PLEKHG6: variants seen among roughly 807,000 people sequenced by gnomAD.
PLEKHG6 encodes the protein pleckstrin homology and RhoGEF domain containing G6, also known as pleckstrin homology domain-containing family G member 6.
A neutral mutation model predicts 97.5 loss-of-function variants in PLEKHG6; 91 were observed. The ratio of observed to expected loss-of-function variants is 0.93; its 90% CI spans 0.79 to 1.11. PLEKHG6 has a LOEUF of 1.11. Among genes scored for constraint, PLEKHG6 ranks in the 50% most tolerant of loss-of-function variants. The pLI is 0.00. For missense variants in PLEKHG6, 1,044 were observed against 1,031.0 expected (o/e 1.01, Z -0.17); for synonymous variants, 466 against 425.5 (o/e 1.10, Z -1.17).
intron 12 of PLEKHG6, 46 bp from the exon 13 acceptor site, chr12:6,318,947 A>C (rs531402899): frequency 3.1e-6 from 5 of 1,612,024 alleles, no homozygotes; most frequent in Non-Finnish European, 4.2e-6. Flanking sequence ...GCTGGGACGG[A>C]GATCAAATAA....
Position 6,315,711 on chromosome 12 carries a change from G to T in PLEKHG6, c.555+62G>T, listed in dbSNP as rs988059607. The stretch of plus-strand genomic sequence containing the variant: ...CCCTGCATGAGCCCCCATCCTCCCA[G>T]ACTGGAAGGCAGGTCACTGGGGGAG... On this transcript the variant is annotated intron_variant, in intron 5 of 15. Coordinates refer to ENST00000684764, the MANE Select transcript of PLEKHG6 (RefSeq NM_001384598.1). This position sits in a 1 kb window ranked among gnomAD's most constrained non-coding sequence, Gnocchi z 4.5. 4.7e-6 allele frequency: 6 copies of T among 1,274,976 alleles called. No individual in the cohort carries two copies. The highest frequency in any genetic ancestry group is 6.6e-6 in the Non-Finnish European group (6 of 907,932). The allele number at this position is 1,274,976 out of a possible 1,614,324, so 79.0% of individuals were successfully genotyped here.
At chr12:6,324,388 G>A (rs757219094) in intron 13 of PLEKHG6, among the ~76,000 whole-genome samples, 28 of 151,538 alleles carry the variant, frequency 1.8e-4, no homozygotes, top group Non-Finnish European at 3.8e-4. Flanking sequence ...CAGAAACCCT[G>A]CTTCCTTCCA....
Position 6,327,683 on chromosome 12 carries a change from T to C in PLEKHG6, c.2100T>C (p.His700=). The C allele has an allele frequency of 1.3e-5, 21 of 1,562,636 alleles. No homozygotes were observed. The highest frequency in any genetic ancestry group is 1.8e-5 in the Non-Finnish European group (21 of 1,151,864). The change falls in exon 15 of 16, where the codon CAT becomes CAC. Residue 700 remains histidine, a synonymous_variant. Coordinates refer to ENST00000684764, the MANE Select transcript of PLEKHG6 (RefSeq NM_001384598.1). Reference sequence around the variant, plus strand: ...GCCAGCTTCCCTCCTCCCCAACCCATGCTGACTCTGCCGGGGAAAGCCCCT... The same window carrying C: ...GCCAGCTTCCCTCCTCCCCAACCCACGCTGACTCTGCCGGGGAAAGCCCCT... ...LRGQLPSSPT[H]ADSAGESPWE...
chr12:6,317,944 C>A lies in PLEKHG6; in HGVS notation c.1105C>A (p.Arg369Ser). 6.3e-7 allele frequency: 1 copy of A among 1,579,780 alleles called. No homozygotes were observed. Among genetic ancestry groups the A allele is most frequent in the South Asian group, 1.2e-5 (1 of 86,256 alleles). Residue 369 changes from arginine (R) to serine (S), a missense_variant, in exon 10 of 16, where the codon CGC (arginine) becomes AGC (serine). Arg to Ser is a moderately radical substitution (Grantham distance 110). Coordinates refer to ENST00000684764, the MANE Select transcript of PLEKHG6 (RefSeq NM_001384598.1). ...AGAGAGCTTGGCGGCTGCAGCACAA[C>A]GCATCGGGCCCTACGAGGTGCTGGA... ...EQESLAAAAQ[R>S]IGPYEVLEPP... is the part of the protein sequence containing the mutation.
At chr12:6,325,260 G>T (rs539482688) in intron 13 of PLEKHG6, among the ~76,000 whole-genome samples, 6 of 151,486 alleles carry the variant, frequency 4.0e-5, no homozygotes, top group African/African-American at 1.2e-4. Context: ...TGCAGTGACT[G>T]AACTAGGACT....
In PLEKHG6 at chr12:6,315,879, C is replaced by T. The variant is rs1382188389; in HGVS notation, c.566C>T (p.Ala189Val). 1.9e-6 allele frequency: 3 copies of T among 1,571,860 alleles called. No individual in the cohort carries two copies. Among genetic ancestry groups the T allele is most frequent in the African/African-American group, 2.7e-5 (2 of 74,114 alleles). The change falls in exon 6 of 16, where the codon GCC becomes GTC. Residue 189 changes from alanine to valine, a missense_variant. By Grantham distance (64) the Ala-to-Val change is moderately conservative (BLOSUM62 0). Coordinates refer to ENST00000684764, the MANE Select transcript of PLEKHG6 (RefSeq NM_001384598.1). This position sits in a 1 kb window ranked among gnomAD's most constrained non-coding sequence, Gnocchi z 4.5. ...KLKIMTDLLA[A>V]GLLNLQRVGL... ...TCTCCCTCCCTGCAGCTGCTAGCCG[C>T]CGGCCTGCTGAACCTGCAGCGAGTG...
chr12:6,312,917 C>G (rs769360507), intron 2 of PLEKHG6: 159 of 1,390,700 alleles, frequency 1.1e-4, no homozygotes, highest in Admixed American at 1.1e-3. Flanking sequence ...TCCCCTCCAC[C>G]TTGAGGACAG....
Position 6,318,732 on chromosome 12 carries a change from C to A in PLEKHG6, c.1276-13C>A. 1 of 1,612,780 alleles carries A rather than the reference C, an allele frequency of 6.2e-7. No homozygotes were observed. On this transcript the variant is annotated splice_polypyrimidine_tract_variant and intron_variant, in intron 11 of 15. Coordinates refer to ENST00000684764, the MANE Select transcript of PLEKHG6 (RefSeq NM_001384598.1). ...GCTGACCCTGTCTCTTTCCCCTACG[C>A]CCCCACCCCCAGCTGGACGTGTACC...
chr12:6,318,618 C>A, intron 11 of PLEKHG6, 127 bp from the exon 12 acceptor site: 2 of 1,213,900 alleles, frequency 1.6e-6, no homozygotes, highest in South Asian at 1.4e-5. Flanking sequence ...CGCCCCTGGC[C>A]ACTCCCGCAT....
Position 6,327,236 on chromosome 12 carries a change from C to G in PLEKHG6, c.1671-18C>G, listed in dbSNP as rs748228498. ...GAACTTGACCCCTACGCATCTGACT[C>G]TTTGCCATTAACTGTAGGACTCCTG... is the stretch of plus-strand genomic sequence containing the variant. On this transcript the variant is annotated intron_variant, in intron 14 of 15. Coordinates refer to ENST00000684764, the MANE Select transcript of PLEKHG6 (RefSeq NM_001384598.1). 6.6e-7 allele frequency: 1 copy of G among 1,516,194 alleles called. No individual in the cohort carries two copies. The highest frequency in any genetic ancestry group is 9.0e-7 in the Non-Finnish European group (1 of 1,112,996). 93.9% of individuals were successfully genotyped at this position (1,516,194 alleles called of 1,614,324 possible). A position where few individuals can be genotyped will look rare whatever the true frequency, so the allele number is the denominator to read the frequency against.
intron 13 of PLEKHG6, among the ~76,000 whole-genome samples, chr12:6,324,277 TCCCCCTCGC>T (rs931831625): frequency 1.5e-5 from 1 of 67,196 alleles, no homozygotes; most frequent in African/African-American, 6.4e-5. Flanking sequence ...TACTCGGGGC[TCCCCCTCGC>T]CCCCCTCCCC....
chr12:6,328,300 C>A lies in PLEKHG6; in HGVS notation c.*155C>A. The A allele has an allele frequency of 1.5e-6, 1 of 671,102 alleles. No homozygotes were observed. Among genetic ancestry groups the A allele is most frequent in the Non-Finnish European group, 2.6e-6 (1 of 385,806 alleles). 41.6% of individuals were successfully genotyped at this position (671,102 alleles called of 1,614,324 possible). ...CCTGCCTCCTGCTCTGTTTGGGGATCAAGAACTGTAAATTTATGTATCATA... is the reference window on the plus strand; with the variant it reads ...CCTGCCTCCTGCTCTGTTTGGGGATAAAGAACTGTAAATTTATGTATCATA... On this transcript the variant is annotated 3_prime_UTR_variant, in exon 16 of 16. Transcript: ENST00000684764.
rs368719694 is a variant in PLEKHG6 at position 6,327,491 on chromosome 12, C to T, written c.1908C>T (p.Pro636=). ...ACATCCCTCTGCGTCCCCACCCTCC[C>T]GACCCCCAAGCTCCTCAACGCCGAA... The part of the protein sequence containing the change: ...LRDIPLRPHP[P]DPQAPQRRSA... Residue 636 remains proline, a synonymous_variant, in exon 15 of 16, where the codon CCC becomes CCT. Coordinates refer to ENST00000684764, the MANE Select transcript of PLEKHG6 (RefSeq NM_001384598.1). The T allele has an allele frequency of 5.0e-6, 8 of 1,591,020 alleles. No homozygotes were observed. The highest frequency in any genetic ancestry group is 2.3e-5 in the East Asian group (1 of 43,768).
rs746571016 is a variant in PLEKHG6 at position 6,315,510 on chromosome 12, C to G, written c.460-44C>G. On this transcript the variant is annotated intron_variant, in intron 4 of 15. Coordinates refer to ENST00000684764, the MANE Select transcript of PLEKHG6 (RefSeq NM_001384598.1). The surrounding 1 kb of genome is among the most constrained non-coding windows in gnomAD (Gnocchi z 4.5). The stretch of plus-strand genomic sequence containing the variant: ...CACTTAACAGCTGGTACTTGCCATT[C>G]TAATTATCATTCCCCAACTGAACCA... The G allele has an allele frequency of 7.9e-7, 1 of 1,265,542 alleles. No individual in the cohort carries two copies. Among genetic ancestry groups the G allele is most frequent in the Non-Finnish European group, 1.1e-6 (1 of 901,136 alleles). 78.4% of individuals were successfully genotyped at this position (1,265,542 alleles called of 1,614,324 possible).
At chr12:6,311,315 AT>A (rs1296287806) in intron 1 of PLEKHG6, among the ~76,000 whole-genome samples, 1 of 152,148 alleles carries the variant, frequency 6.6e-6, no homozygotes, top group Non-Finnish European at 1.5e-5. Context: ...GACCAAATAT[AT>A]AGCCCGAAAC....
rs755790295 is a variant in PLEKHG6 at position 6,317,956 on chromosome 12, T to C, written c.1117T>C (p.Tyr373His). ...LAAAAQRIGP[Y>H]EVLEPPSDEV... ...GGCTGCAGCACAACGCATCGGGCCC[T>C]ACGAGGTGCTGGAGCCACCCAGTGA... The change falls in exon 10 of 16, where the codon TAC becomes CAC. Residue 373 changes from tyrosine to histidine, a missense_variant. Physicochemically the swap from Tyr to His is moderately conservative, Grantham distance 83. Coordinates refer to ENST00000684764, the MANE Select transcript of PLEKHG6 (RefSeq NM_001384598.1). 1 of 1,586,304 alleles carries C rather than the reference T, an allele frequency of 6.3e-7. No homozygotes were observed. The highest frequency in any genetic ancestry group is 1.2e-5 in the South Asian group (1 of 86,704).
At chr12:6,318,950 T>G (rs4764497) in intron 12 of PLEKHG6, 43 bp from the exon 13 acceptor site, 944,914 of 1,610,818 alleles carry the variant, frequency 0.59, 284,424 homozygotes, top group Non-Finnish European at 0.63. Flanking sequence ...GGGACGGAGA[T>G]CAAATAAAGG....
At chr12:6,325,287 G>C (rs1468768115) in intron 13 of PLEKHG6, among the ~76,000 whole-genome samples, 4 of 152,024 alleles carry the variant, frequency 2.6e-5, no homozygotes, top group African/African-American at 9.7e-5. Flanking sequence ...GCAAGGCCCT[G>C]TCCCAGCTCT....
At chr12:6,325,174 C>T (rs1011819575) in intron 13 of PLEKHG6, among the ~76,000 whole-genome samples, 30 of 152,078 alleles carry the variant, frequency 2.0e-4, no homozygotes, top group African/African-American at 6.8e-4. Flanking sequence ...CTTCCCTCTC[C>T]CTCCCCCTCC....
Sources: allele counts gnomAD v4.1 joint callset (sites outside exome capture counted in the v4.1 genomes callset), GRCh38; gene constraint gnomAD v4.1.1; non-coding constraint Gnocchi (gnomAD v3.1); transcripts MANE v1.5; gene names NCBI Gene and HGNC (gene_info 2026-07-23, HGNC 2026-07-21).